Variants in CHD6 observed in about 807,000 individuals in gnomAD.
The protein encoded by CHD6 is chromodomain helicase DNA binding protein 6.
A neutral mutation model predicts 276.9 loss-of-function variants in CHD6; 50 were observed. The observed-to-expected ratio is 0.18, with a 90% confidence interval of 0.14 to 0.23. The LOEUF (loss-of-function observed/expected upper bound fraction) is 0.23, where lower values mean the gene tolerates loss of function less well. Ranked by LOEUF, CHD6 falls within the 10% of genes least tolerant of loss-of-function variation. The probability of loss-of-function intolerance (pLI) is 1.00; values close to 1 mark genes in which losing one functional copy is unlikely to be tolerated. For synonymous variants in CHD6, 1,173 were observed against 1,229.3 expected (o/e 0.95, Z 0.96); for missense variants, 2,564 against 3,365.8 (o/e 0.76, Z 5.89).
chr20:41,506,417 A>T (rs1214141778), intron 5 of CHD6, among the ~76,000 whole-genome samples: 1 of 152,046 alleles, frequency 6.6e-6, no homozygotes, highest in African/African-American at 2.4e-5. Context: ...AGGACTTTGT[A>T]TAGACTATTC....
chr20:41,578,407 G>GT (rs1568713574), intron 1 of CHD6, among the ~76,000 whole-genome samples: 1 of 152,026 alleles, frequency 6.6e-6, no homozygotes. Context: ...TTTTAAAAAA[G>GT]TTTTTTAATA....
In CHD6 at chr20:41,549,790, C is replaced by A. The variant is rs561460119; in HGVS notation, c.33+1515G>T. ...CACAAATGACAATAGTTTTGAGGGT[C>A]TGGGGTTCTCTTCAGTAATGTATTC... On this transcript the variant is annotated intron_variant, in intron 2 of 36. Transcript: ENST00000373233. 1.4e-4 allele frequency among the ~76,000 whole-genome samples: 21 copies of A among 152,020 alleles called. 1 individual carries two copies. The South Asian group carries it at 4.4e-3, about 32-fold the overall frequency.
At chr20:41,405,574 G>C in intron 36 of CHD6, 85 bp from the exon 37 acceptor site, 3 of 1,065,620 alleles carry the variant, frequency 2.8e-6, no homozygotes, top group Non-Finnish European at 4.1e-6. Context: ...CTCTGCACTG[G>C]CCTGGCCTGT....
chr20:41,493,969 T>C, intron 8 of CHD6, 25 bp from the exon 9 acceptor site: 1 of 1,576,992 alleles, frequency 6.3e-7, no homozygotes, highest in Non-Finnish European at 8.7e-7. Context: ...GGAGAACAGT[T>C]AGGAAGTATG....
intron 1 of CHD6, among the ~76,000 whole-genome samples, chr20:41,602,206 G>A (rs540272897): frequency 6.6e-6 from 1 of 152,264 alleles, no homozygotes; most frequent in African/African-American, 2.4e-5. Context: ...AATAAACTCA[G>A]TTAAATAGAG....
intron 1 of CHD6, among the ~76,000 whole-genome samples, chr20:41,596,894 G>A (rs1401655346): frequency 6.6e-6 from 1 of 152,124 alleles, no homozygotes; most frequent in Admixed American, 6.5e-5. Context: ...GAACCTTTGA[G>A]GGAGGCCCAA....
chr20:41,564,159 C>A, intron 1 of CHD6: 1 of 728,078 alleles, frequency 1.4e-6, no homozygotes, highest in Admixed American at 2.1e-5. Flanking sequence ...GGGCTAAAAA[C>A]AAAAAGTTAC....
intron 12 of CHD6, among the ~76,000 whole-genome samples, chr20:41,489,442 T>A (rs190137855): frequency 6.6e-6 from 1 of 152,352 alleles, no homozygotes; most frequent in Admixed American, 6.5e-5. Flanking sequence ...CTCTGTATAG[T>A]AATTCTTTTG....
intron 1 of CHD6, among the ~76,000 whole-genome samples, chr20:41,586,300 C>A (rs1207931776): frequency 6.6e-6 from 1 of 152,228 alleles, no homozygotes; most frequent in Non-Finnish European, 1.5e-5. Flanking sequence ...CCCTCCGGAT[C>A]CGGCAGGGTG....
intron 5 of CHD6, among the ~76,000 whole-genome samples, chr20:41,504,852 A>G (rs765648047): frequency 6.6e-6 from 1 of 152,152 alleles, no homozygotes; most frequent in Non-Finnish European, 1.5e-5. Context: ...GCCTCTTTGA[A>G]TGTCTAATTT....
intron 5 of CHD6, among the ~76,000 whole-genome samples, chr20:41,510,062 T>C (rs1004334355): frequency 1.3e-5 from 2 of 152,170 alleles, no homozygotes; most frequent in African/African-American, 4.8e-5. Context: ...AGTGGGGCCA[T>C]TCTGGTGCTG....
chr20:41,500,491 G>A (rs1568648841), intron 5 of CHD6, among the ~76,000 whole-genome samples: 1 of 152,162 alleles, frequency 6.6e-6, no homozygotes, highest in Non-Finnish European at 1.5e-5. Context: ...ATGGCATTGT[G>A]CTAGATGCCA....
intron 17 of CHD6, among the ~76,000 whole-genome samples, chr20:41,465,941 A>C (rs2042909864): frequency 6.6e-6 from 1 of 152,186 alleles, no homozygotes; most frequent in Non-Finnish European, 1.5e-5. Context: ...GTGGTGGGTC[A>C]CGACTGTAAT....
chr20:41,425,288 T>A lies in CHD6; in HGVS notation c.4236A>T (p.Glu1412Asp). The change falls in exon 29 of 37, where the codon GAA becomes GAT. Residue 1412 changes from glutamate to aspartate, a missense_variant. This residue lies in a region of CHD6 where 515 missense variants were observed against 739.5 expected (regional missense o/e 0.70). Transcript: ENST00000373233. Reference protein sequence around the residue: ...VTVYQRCNRKELCRPEILGPG... With the variant: ...VTVYQRCNRKDLCRPEILGPG... The stretch of plus-strand genomic sequence containing the variant: ...GTCCCAGAATTTCAGGCCGGCACAG[T>A]TCCTTGCGGTTGCAGCGCTGGTAAA... The A allele has an allele frequency of 6.2e-7, 1 of 1,614,178 alleles. No individual in the cohort carries two copies.
intron 8 of CHD6, 80 bp downstream of exon 8, chr20:41,497,304 C>G: frequency 1.1e-6 from 1 of 929,562 alleles, no homozygotes; most frequent in East Asian, 2.4e-5. Flanking sequence ...AGGAATTTAA[C>G]TTGGACTTAG....
Position 41,489,771 on chromosome 20 carries a change from G to A in CHD6, c.1680+7C>T, listed in dbSNP as rs770167242. 2 of 1,613,910 alleles carry A rather than the reference G, an allele frequency of 1.2e-6. No homozygotes were observed. Reference sequence around the variant, plus strand: ...TCCCTGGGTCTCTGATCTCACGTGAGGCTCACCTGGGCGTCTCTGTACACC... The same window carrying A: ...TCCCTGGGTCTCTGATCTCACGTGAAGCTCACCTGGGCGTCTCTGTACACC... On this transcript the variant is annotated splice_region_variant and intron_variant, in intron 12 of 36. Coordinates refer to ENST00000373233, the MANE Select transcript of CHD6 (RefSeq NM_032221.5).
chr20:41,534,530 A>ATGTTTC (rs2044777373), intron 2 of CHD6, among the ~76,000 whole-genome samples: 1 of 150,822 alleles, frequency 6.6e-6, no homozygotes, highest in Non-Finnish European at 1.5e-5. Context: ...TCCCAAACAT[A>ATGTTTC]ACACTGAGAA....
intron 1 of CHD6, among the ~76,000 whole-genome samples, chr20:41,606,021 T>G (rs546163593): frequency 6.6e-6 from 1 of 152,128 alleles, no homozygotes; most frequent in Non-Finnish European, 1.5e-5. Context: ...TTTAGAACAC[T>G]GAAGGAAAAG....
In CHD6 at chr20:41,499,370, A is replaced by AT. The variant is rs1247058645; in HGVS notation, c.853-14dup. ...CTTCTGGAGGCTCCTGGGGACAAAG[A>AT]TAAAAAAAAAAGAAAATTGCTGGAA... is the stretch of plus-strand genomic sequence containing the variant. On this transcript the variant is annotated splice_polypyrimidine_tract_variant and intron_variant, in intron 5 of 36. Transcript: ENST00000373233. The AT allele has an allele frequency of 6.4e-6, 10 of 1,571,944 alleles. No individual in the cohort carries two copies. In the Admixed American group the frequency reaches 7.3e-5, roughly 12 times the overall value.
Sources: allele counts gnomAD v4.1 joint callset (sites outside exome capture counted in the v4.1 genomes callset), GRCh38; gene constraint gnomAD v4.1.1; regional missense constraint gnomAD v4.1.1; transcripts MANE v1.5; gene names NCBI Gene and HGNC (gene_info 2026-07-23, HGNC 2026-07-21).